MTFR1: variants seen among roughly 807,000 people sequenced by gnomAD.
MTFR1 encodes chondrocyte protein with a poly-proline region.
MTFR1 carries 28 observed loss-of-function variants against 38.8 expected under a neutral mutation model. That is an observed-to-expected ratio of 0.72 (90% confidence interval 0.53 to 0.99). The LOEUF is 0.99. MTFR1 is among the 50% of genes least tolerant of loss of function. MTFR1 has a pLI of 0.00. For synonymous variants in MTFR1, 145 were observed against 137.0 expected (o/e 1.06, Z -0.41); for missense variants, 358 against 395.5 (o/e 0.91, Z 0.81).
intron 3 of MTFR1, among the ~76,000 whole-genome samples, chr8:65,747,344 T>C (rs1807719463): frequency 6.6e-6 from 1 of 152,228 alleles, no homozygotes; most frequent in Non-Finnish European, 1.5e-5. Context: ...AGGTAATCTC[T>C]AAGTCTTCCC....
At chr8:65,715,038 A>G (rs906870136), downstream of MTFR1, among the ~76,000 whole-genome samples, 2 of 152,182 alleles carry the variant, frequency 1.3e-5, no homozygotes, top group African/African-American at 4.8e-5. Flanking sequence ...CCTAGAGCAG[A>G]GACTCCCTCA....
At chr8:65,737,574 G>A (rs1347735704) in intron 3 of MTFR1, among the ~76,000 whole-genome samples, 2 of 151,952 alleles carry the variant, frequency 1.3e-5, no homozygotes, top group African/African-American at 2.4e-5. Flanking sequence ...GCGCGATCTC[G>A]GCTCACTCTC....
At chr8:65,754,912 C>T (rs1350331646) in intron 3 of MTFR1, among the ~76,000 whole-genome samples, 1 of 149,942 alleles carries the variant, frequency 6.7e-6, no homozygotes, top group Admixed American at 6.6e-5. Flanking sequence ...TTGCAGTGAG[C>T]CGAGATCGCG....
intron 3 of MTFR1, among the ~76,000 whole-genome samples, chr8:65,686,321 C>T (rs1805070902): frequency 6.6e-6 from 1 of 152,118 alleles, no homozygotes. Flanking sequence ...CCTGTAATCC[C>T]AGCACTTTGG....
intron 3 of MTFR1, chr8:65,689,464 G>C (rs956342466): frequency 1.7e-5 from 9 of 514,884 alleles, no homozygotes; most frequent in Non-Finnish European, 2.7e-5. Flanking sequence ...TTGAATTTTG[G>C]GTAATTTAGT....
intron 1 of MTFR1, among the ~76,000 whole-genome samples, 193 bp from the exon 2 acceptor site, chr8:65,669,680 T>C (rs1804508575): frequency 6.6e-6 from 1 of 152,010 alleles, no homozygotes; most frequent in South Asian, 2.1e-4. Flanking sequence ...GCCTCCTGAG[T>C]AGCTGGGATT....
chr8:65,666,694 G>C (rs1247081279), intron 1 of MTFR1, among the ~76,000 whole-genome samples: 2 of 152,134 alleles, frequency 1.3e-5, no homozygotes, highest in African/African-American at 4.8e-5. Context: ...AAATGTTCCT[G>C]ATAATCCCGG....
At chr8:65,667,346 GT>G (rs146242871) in intron 1 of MTFR1, among the ~76,000 whole-genome samples, 37 of 144,990 alleles carry the variant, frequency 2.6e-4, no homozygotes, top group Admixed American at 8.9e-4. Context: ...TGTGTATACT[GT>G]TTTTTTTTTT....
chr8:65,754,417 T>C (rs1339811464), intron 3 of MTFR1, among the ~76,000 whole-genome samples: 1 of 151,898 alleles, frequency 6.6e-6, no homozygotes, highest in Admixed American at 6.6e-5. Flanking sequence ...CCCATTCTTT[T>C]ACTTTCAACC....
intron 3 of MTFR1, among the ~76,000 whole-genome samples, chr8:65,766,763 G>T (rs765551206): frequency 2.0e-5 from 3 of 152,204 alleles, no homozygotes; most frequent in Non-Finnish European, 2.9e-5. Flanking sequence ...TCAGTCAGGA[G>T]ACCAAACAGG....
intron 7 of MTFR1, 104 bp downstream of exon 7, chr8:65,708,115 A>G: frequency 6.2e-6 from 10 of 1,600,732 alleles, no homozygotes; most frequent in East Asian, 4.5e-5. Context: ...GTAAGTTCCA[A>G]AGGGAGGTGA....
chr8:65,754,123 T>C (rs1044605015), intron 3 of MTFR1, among the ~76,000 whole-genome samples: 6 of 152,278 alleles, frequency 3.9e-5, no homozygotes, highest in Admixed American at 3.9e-4. Flanking sequence ...CTTGGGAGTC[T>C]GATGTTTGAG....
intron 3 of MTFR1, among the ~76,000 whole-genome samples, chr8:65,756,297 T>C (rs956989033): frequency 5.3e-5 from 8 of 152,252 alleles, no homozygotes; most frequent in Non-Finnish European, 4.4e-5. Flanking sequence ...TGCATATTCA[T>C]GTCTTCATCA....
chr8:65,726,904 G>A (rs748155517), intron 3 of MTFR1: 2 of 1,605,782 alleles, frequency 1.2e-6, no homozygotes, highest in Non-Finnish European at 1.7e-6. Flanking sequence ...GTGAGAATAA[G>A]CCTGATTCTC....
intron 1 of MTFR1, among the ~76,000 whole-genome samples, chr8:65,652,891 A>G (rs141516949): frequency 1.3e-5 from 2 of 152,132 alleles, no homozygotes; most frequent in African/African-American, 2.4e-5. Flanking sequence ...ACTTTTTACT[A>G]TGCCATTTTA....
At chr8:65,731,966 ATATTAT>A (rs137999443) in intron 3 of MTFR1, among the ~76,000 whole-genome samples, 6,115 of 151,142 alleles carry the variant, frequency 0.04, 172 homozygotes, top group Non-Finnish European at 0.062. Context: ...GTCATTCTCT[ATATTAT>A]TATTATTATT....
At chr8:65,650,881 C>T (rs188757067) in intron 1 of MTFR1, among the ~76,000 whole-genome samples, 196 of 152,256 alleles carry the variant, frequency 1.3e-3, no homozygotes, top group Admixed American at 3.0e-3. Context: ...ACCTCCAAAC[C>T]GTTCTCTATA....
chr8:65,775,348 G>A (rs545147018), downstream of MTFR1, among the ~76,000 whole-genome samples: 1 of 152,054 alleles, frequency 6.6e-6, no homozygotes, highest in Non-Finnish European at 1.5e-5. Flanking sequence ...CTAATTTCTT[G>A]AGTTGGACTA....
chr8:65,683,135 T>TC (rs1225706308), intron 3 of MTFR1, among the ~76,000 whole-genome samples: 2 of 146,784 alleles, frequency 1.4e-5, no homozygotes, highest in East Asian at 1.9e-4. Context: ...TTTCTTTCTT[T>TC]TTTTTTTTTT....
Sources: gnomAD v4.1 joint callset for allele counts (sites outside exome capture counted in the v4.1 genomes callset) on GRCh38, gnomAD v4.1.1 for gene constraint, MANE v1.5 for transcripts, NCBI Gene and HGNC (gene_info 2026-07-23, HGNC 2026-07-21) for gene names.